AFAP1: variants seen among roughly 807,000 people sequenced by gnomAD.
The protein encoded by AFAP1 is actin filament associated protein 1.
AFAP1 carries 75 observed loss-of-function variants against 93.9 expected under a neutral mutation model. That is an observed-to-expected ratio of 0.80 (90% CI 0.66 to 0.97). The LOEUF (loss-of-function observed/expected upper bound fraction) is 0.97. Ranked by LOEUF, AFAP1 falls within the 50% of genes least tolerant of loss-of-function variation. AFAP1 has a pLI of 0.00. For missense variants in AFAP1, 1,201 were observed against 1,050.8 expected (o/e 1.14, Z -1.98); for synonymous variants, 517 against 430.7 (o/e 1.20, Z -2.48).
intron 1 of AFAP1, among the ~76,000 whole-genome samples, chr4:7,936,806 C>A (rs895842325): frequency 5.3e-5 from 8 of 152,138 alleles, no homozygotes; most frequent in African/African-American, 1.7e-4. Flanking sequence ...TGGTCTCCAT[C>A]TTCTAACCTC....
intron 1 of AFAP1, among the ~76,000 whole-genome samples, chr4:7,915,847 C>T (rs12641498): frequency 0.54 from 82,556 of 152,242 alleles, 24,699 homozygotes; most frequent in East Asian, 0.83. Flanking sequence ...CCCAGGCTCA[C>T]TCTACATACA....
At position 7,855,908 on chromosome 4, in the gene AFAP1, G is replaced by A. The variant is rs140648119; in HGVS notation, c.226-334C>T. Among the ~76,000 whole-genome samples the A allele has an allele frequency of 2.7e-3, 411 of 152,196 alleles. 2 individuals are homozygous for A. Among genetic ancestry groups the A allele is most frequent in the East Asian group, 0.011 (58 of 5,164 alleles). ...GGGCCTGTTCAGATGCTGCCCCAGG[G>A]GTCTGAGACAGTGTCTGCACTCCCC... is the stretch of plus-strand genomic sequence containing the variant. On this transcript the variant is annotated intron_variant, in intron 3 of 17. Coordinates refer to ENST00000420658, the MANE Select transcript of AFAP1 (RefSeq NM_001134647.2).
chr4:7,884,434 GAAGA>G (rs1267705272), intron 1 of AFAP1, among the ~76,000 whole-genome samples: 2 of 152,142 alleles, frequency 1.3e-5, no homozygotes, highest in Non-Finnish European at 2.9e-5. Context: ...TAAGAACAAT[GAAGA>G]GAGAATAGCC....
intron 1 of AFAP1, among the ~76,000 whole-genome samples, chr4:7,897,466 T>C (rs1560225516): frequency 6.6e-6 from 1 of 152,190 alleles, no homozygotes; most frequent in Admixed American, 6.5e-5. Flanking sequence ...ACTACTCATC[T>C]TCTTTGGAGT....
At chr4:7,821,342 C>CCA (rs1243698216) in intron 6 of AFAP1, among the ~76,000 whole-genome samples, 1 of 152,214 alleles carries the variant, frequency 6.6e-6, no homozygotes, top group Non-Finnish European at 1.5e-5. Flanking sequence ...ACCGTCATTA[C>CCA]TGTCAGCATT....
chr4:7,934,069 G>A (rs1721248415), intron 1 of AFAP1, among the ~76,000 whole-genome samples: 2 of 152,128 alleles, frequency 1.3e-5, no homozygotes, highest in South Asian at 4.1e-4. Flanking sequence ...GGCAGGGCTG[G>A]CCACACTCCA....
chr4:7,867,040 G>C (rs1464779567), intron 3 of AFAP1, among the ~76,000 whole-genome samples: 2 of 141,208 alleles, frequency 1.4e-5, no homozygotes, highest in Admixed American at 7.3e-5. Flanking sequence ...CCCTGTGGAG[G>C]AAAGAGGAAA....
intron 14 of AFAP1, chr4:7,776,751 T>G (rs960644342): frequency 1.3e-5 from 2 of 152,212 alleles, no homozygotes; most frequent in Non-Finnish European, 2.9e-5. Flanking sequence ...TTCGACAATC[T>G]GAAACAAAAG....
intron 4 of AFAP1, among the ~76,000 whole-genome samples, chr4:7,851,560 C>T (rs538691361): frequency 2.0e-5 from 3 of 152,314 alleles, no homozygotes; most frequent in South Asian, 2.1e-4. Context: ...TCTTGATACT[C>T]GGGTAAATAC....
chr4:7,832,683 A>AAG (rs199627375), intron 6 of AFAP1, among the ~76,000 whole-genome samples: 2 of 151,382 alleles, frequency 1.3e-5, no homozygotes, highest in Non-Finnish European at 2.9e-5. Context: ...AAAAAAAAAA[A>AAG]GAGCCCACAT....
chr4:7,898,985 TTGTATATACACAAA>T (rs1401682433), intron 1 of AFAP1, among the ~76,000 whole-genome samples: 2 of 149,558 alleles, frequency 1.3e-5, no homozygotes, highest in African/African-American at 2.4e-5. Flanking sequence ...TACAATGGTA[TTGTATATACACAAA>T]TGTATATATA....
chr4:7,799,984 G>A (rs898517411), intron 10 of AFAP1, among the ~76,000 whole-genome samples: 2 of 152,158 alleles, frequency 1.3e-5, no homozygotes, highest in Non-Finnish European at 2.9e-5. Context: ...GCCCCAAAAA[G>A]TCTTCCATCT....
chr4:7,935,866 T>A (rs185919153), intron 1 of AFAP1, among the ~76,000 whole-genome samples: 81 of 152,242 alleles, frequency 5.3e-4, no homozygotes, highest in African/African-American at 1.8e-3. Flanking sequence ...CCCCTCCCTT[T>A]CATTTAATCC....
intron 7 of AFAP1, 39 bp downstream of exon 7, chr4:7,819,037 A>C (rs778953519): frequency 2.8e-5 from 42 of 1,511,702 alleles, no homozygotes; most frequent in East Asian, 1.6e-4. Context: ...AATCCACTGC[A>C]AGGTCACCGT....
rs1252144414 is a variant in AFAP1, at chr4:7,809,705, C to T, written c.963G>A (p.Gly321=). 6.2e-7 allele frequency: 1 copy of T among 1,613,506 alleles called. No homozygotes were observed. Among genetic ancestry groups the T allele is most frequent in the Non-Finnish European group, 8.5e-7 (1 of 1,179,674 alleles). Residue 321 remains glycine (G), a synonymous_variant, in exon 9 of 18, where the codon GGG becomes GGA. Transcript: ENST00000420658. ...GACTGATGATCTTGGTGATTTTTTT[C>T]CCAGTGACTTTCGACACAGTGCCCT... ...EAKGTVSKVT[G]KKITKIISLG...
chr4:7,844,286 G>C (rs1203663913), intron 4 of AFAP1, among the ~76,000 whole-genome samples: 2 of 149,058 alleles, frequency 1.3e-5, no homozygotes, highest in African/African-American at 2.4e-5. Flanking sequence ...TTTAAGAAGA[G>C]AGAGAGAGAG....
At chr4:7,883,656 T>C (rs1284714264) in intron 1 of AFAP1, among the ~76,000 whole-genome samples, 2 of 152,228 alleles carry the variant, frequency 1.3e-5, no homozygotes, top group South Asian at 4.1e-4. Context: ...TTCTGCATGC[T>C]TATTTTATAT....
Position 7,772,810 on chromosome 4 carries a change from G to A in AFAP1, c.2253+10C>T, listed in dbSNP as rs1715619330. ...CGCCAGCCTCCGAGGTGAGCCAGAA[G>A]GACACACACCTGTGGACTCGATGTC... On this transcript the variant is annotated intron_variant, in intron 16 of 17. Transcript: ENST00000420658. 5.0e-6 allele frequency: 8 copies of A among 1,611,458 alleles called. 1 individual carries two copies. The South Asian group carries it at 8.8e-5, about 18-fold the overall frequency.
chr4:7,831,994 G>C, intron 6 of AFAP1, among the ~76,000 whole-genome samples: 1 of 152,154 alleles, frequency 6.6e-6, no homozygotes, highest in East Asian at 1.9e-4. Context: ...CCCTGACTTA[G>C]ACCCCCTGCT....
Sources: allele counts gnomAD v4.1 joint callset (sites outside exome capture counted in the v4.1 genomes callset), GRCh38; gene constraint gnomAD v4.1.1; transcripts MANE v1.5; gene names NCBI Gene and HGNC (gene_info 2026-07-23, HGNC 2026-07-21).